Variants in NCALD observed in about 807,000 individuals in gnomAD.
The protein encoded by NCALD is neurocalcin-delta.
Under a neutral mutation model 18.6 loss-of-function variants are expected in NCALD, and 10 were observed. That is an observed-to-expected ratio of 0.54 (90% confidence interval 0.33 to 0.91). The LOEUF (loss-of-function observed/expected upper bound fraction) is 0.91, where lower values mean the gene tolerates loss of function less well. Among genes scored for constraint, NCALD ranks in the 40% least tolerant of loss-of-function variants. The pLI, the probability that NCALD is intolerant of heterozygous loss-of-function variation, is 0.03. For synonymous variants in NCALD, 88 were observed against 87.4 expected, an observed-to-expected ratio of 1.01 and a Z score of -0.04; for missense variants, 184 against 247.6, an observed-to-expected ratio of 0.74 and a Z score of 1.72.
chr8:101,862,556 G>C (rs1586651352), intron 4 of NCALD, among the ~76,000 whole-genome samples: 1 of 152,174 alleles, frequency 6.6e-6, no homozygotes, highest in Non-Finnish European at 1.5e-5. Context: ...ATAGTAGCTA[G>C]TGATTAATAT....
At chr8:101,872,680 G>C in intron 4 of NCALD, 2 of 343,730 alleles carry the variant, frequency 5.8e-6, no homozygotes, top group South Asian at 6.6e-5. Flanking sequence ...CATGATAAAG[G>C]CTAAGTTCCT....
chr8:101,879,964 C>T (rs936412196), intron 4 of NCALD, among the ~76,000 whole-genome samples: 2 of 152,130 alleles, frequency 1.3e-5, no homozygotes, highest in African/African-American at 2.4e-5. Flanking sequence ...GCCTGCCAGT[C>T]CTGTGCCGTG....
intron 2 of NCALD, among the ~76,000 whole-genome samples, chr8:101,942,742 G>A (rs1485102593): frequency 6.6e-6 from 1 of 152,140 alleles, no homozygotes; most frequent in Admixed American, 6.5e-5. Flanking sequence ...TTTTATAAAT[G>A]GAGAAACTGA....
At chr8:102,062,161 T>C (rs1262113513) in intron 1 of NCALD, among the ~76,000 whole-genome samples, 1 of 152,192 alleles carries the variant, frequency 6.6e-6, no homozygotes. Context: ...CCCAACACTT[T>C]GAAAGGCTGA....
At chr8:101,788,238 AC>A (rs1812309466) in intron 1 of NCALD, among the ~76,000 whole-genome samples, 1 of 152,194 alleles carries the variant, frequency 6.6e-6, no homozygotes, top group Non-Finnish European at 1.5e-5. Flanking sequence ...TCACTAACGT[AC>A]ATATCAATTG....
At chr8:101,962,717 G>C (rs1329773195) in intron 2 of NCALD, among the ~76,000 whole-genome samples, 1 of 152,170 alleles carries the variant, frequency 6.6e-6, no homozygotes, top group East Asian at 1.9e-4. Flanking sequence ...CTAAGTTAGA[G>C]TTAAGCCTTT....
chr8:101,701,521 A>T (rs1463895450), intron 2 of NCALD, among the ~76,000 whole-genome samples: 1 of 152,276 alleles, frequency 6.6e-6, no homozygotes. Context: ...CAGAGCCCCT[A>T]TCAGCTTCCT....
chr8:101,718,471 A>G (rs1238257472), intron 2 of NCALD, among the ~76,000 whole-genome samples: 1 of 151,946 alleles, frequency 6.6e-6, no homozygotes, highest in Non-Finnish European at 1.5e-5. Flanking sequence ...ACCCTATACT[A>G]TTTGTTCAGG....
rs147186215 is a variant in NCALD, at chr8:101,763,518, C to T, written c.-20+27344G>A. ...AATTTTCAGACGTGCTGTGTGTGAT[C>T]GTTCATCTTATGTGTCAACTTGATT... On this transcript the variant is annotated intron_variant, in intron 1 of 3. Transcript: ENST00000220931. 9.4e-3 allele frequency among the ~76,000 whole-genome samples: 1,437 copies of T among 152,198 alleles called. 11 individuals carry two copies. Among genetic ancestry groups the T allele is most frequent in the Middle Eastern group, 0.041 (12 of 294 alleles).
At chr8:101,938,979 T>A (rs527962479) in intron 2 of NCALD, among the ~76,000 whole-genome samples, 9 of 152,360 alleles carry the variant, frequency 5.9e-5, no homozygotes, top group Admixed American at 4.6e-4. Context: ...ATACCTTAAG[T>A]CTGAGATCTA....
intron 2 of NCALD, among the ~76,000 whole-genome samples, chr8:101,701,259 A>G (rs1815252821): frequency 6.6e-6 from 1 of 152,184 alleles, no homozygotes; most frequent in African/African-American, 2.4e-5. Context: ...GCCATCTGAG[A>G]CAAATCATGT....
At chr8:101,853,873 G>A (rs1013507709) in intron 4 of NCALD, among the ~76,000 whole-genome samples, 3 of 152,120 alleles carry the variant, frequency 2.0e-5, no homozygotes, top group Non-Finnish European at 2.9e-5. Flanking sequence ...CACCAACCTA[G>A]GGTGACATTA....
intron 2 of NCALD, among the ~76,000 whole-genome samples, chr8:101,995,421 A>T (rs1314820806): frequency 1.3e-5 from 2 of 152,226 alleles, no homozygotes; most frequent in Non-Finnish European, 2.9e-5. Context: ...AAGAGATTTA[A>T]TTGGCTCACG....
intron 2 of NCALD, among the ~76,000 whole-genome samples, chr8:101,975,825 T>G (rs575497471): frequency 6.6e-6 from 1 of 152,316 alleles, no homozygotes; most frequent in East Asian, 1.9e-4. Context: ...TTTTCTATCT[T>G]CTTTTTTACC....
intron 2 of NCALD, 35 bp downstream of exon 2, chr8:101,719,217 T>G: frequency 6.3e-7 from 1 of 1,591,788 alleles, no homozygotes; most frequent in Non-Finnish European, 8.5e-7. Flanking sequence ...TTGAGATACA[T>G]GCCCTTCTTT....
In NCALD at chr8:101,688,702, G is replaced by A. The variant is rs890431800; in HGVS notation, c.*607C>T. On this transcript the variant is annotated 3_prime_UTR_variant, in exon 4 of 4. Coordinates refer to ENST00000220931, the MANE Select transcript of NCALD (RefSeq NM_032041.3). ...AGTGTAAACCTGTGAAAAAATAGCT[G>A]AGCCATCTTTTTCCTCTCCTCTGTT... 2 of 481,328 alleles carry A rather than the reference G, an allele frequency of 4.2e-6. No individual in the cohort carries two copies. Among genetic ancestry groups the A allele is most frequent in the Non-Finnish European group, 8.2e-6 (2 of 243,826 alleles). 29.8% of individuals were successfully genotyped at this position (481,328 alleles called of 1,614,324 possible).
chr8:101,769,266 T>A, intron 1 of NCALD, among the ~76,000 whole-genome samples: 1 of 152,212 alleles, frequency 6.6e-6, no homozygotes, highest in Non-Finnish European at 1.5e-5. Flanking sequence ...CAATGTCTAC[T>A]TCTTGTGTTC....
At chr8:101,763,904 G>T (rs1053032080) in intron 1 of NCALD, among the ~76,000 whole-genome samples, 3 of 148,060 alleles carry the variant, frequency 2.0e-5, no homozygotes, top group Non-Finnish European at 4.5e-5. Context: ...GCAGATCTTG[G>T]GACTTGCACA....
At chr8:101,821,347 T>C (rs1813709544) in intron 4 of NCALD, among the ~76,000 whole-genome samples, 2 of 152,222 alleles carry the variant, frequency 1.3e-5, no homozygotes, top group Admixed American at 6.5e-5. Flanking sequence ...TCCAGAACTT[T>C]ATGTACATTA....
Sources: gnomAD v4.1 joint callset for allele counts (sites outside exome capture counted in the v4.1 genomes callset) on GRCh38, gnomAD v4.1.1 for gene constraint, MANE v1.5 for transcripts, NCBI Gene and HGNC (gene_info 2026-07-23, HGNC 2026-07-21) for gene names.